The following CNTN5 variants were observed in gnomAD, a reference collection of about 807,000 sequenced individuals.
CNTN5 encodes the protein contactin-5.
CNTN5 carries 77 observed loss-of-function variants against 129.1 expected under a neutral mutation model. That is an observed-to-expected ratio of 0.60 (90% CI 0.50 to 0.72). CNTN5 has a LOEUF of 0.72. CNTN5 is among the 30% of genes least tolerant of loss of function. The probability of loss-of-function intolerance (pLI) is 0.00; values close to 1 mark genes in which losing one functional copy is unlikely to be tolerated. For missense variants in CNTN5, 1,478 were observed against 1,328.8 expected (o/e 1.11, Z -1.75); for synonymous variants, 509 against 465.6 (o/e 1.09, Z -1.20).
intron 6 of CNTN5, among the ~76,000 whole-genome samples, chr11:99,867,745 CA>C (rs1423196947): frequency 6.6e-6 from 1 of 152,134 alleles, no homozygotes; most frequent in African/African-American, 2.4e-5. Context: ...AGGTGATTAA[CA>C]GACTTAGTTA....
intron 1 of CNTN5, among the ~76,000 whole-genome samples, chr11:99,079,496 G>A (rs189854125): frequency 2.0e-5 from 3 of 152,194 alleles, no homozygotes; most frequent in Admixed American, 6.5e-5. Context: ...GAATCTATGG[G>A]GCCAAAAGTA....
chr11:100,131,716 A>G (rs1161364554), intron 13 of CNTN5, among the ~76,000 whole-genome samples: 1 of 152,076 alleles, frequency 6.6e-6, no homozygotes, highest in African/African-American at 2.4e-5. Context: ...AAAGGAAAAG[A>G]ACTTTTCAAG....
intron 6 of CNTN5, among the ~76,000 whole-genome samples, chr11:99,873,863 T>C (rs760264455): frequency 1.3e-5 from 2 of 152,098 alleles, no homozygotes; most frequent in Non-Finnish European, 2.9e-5. Context: ...CATATCAGCA[T>C]GGAACACAAT....
At chr11:99,368,360 G>C (rs1939590238) in intron 2 of CNTN5, among the ~76,000 whole-genome samples, 1 of 151,882 alleles carries the variant, frequency 6.6e-6, no homozygotes, top group South Asian at 2.1e-4. Flanking sequence ...ATTATTTGGA[G>C]TCCCGGTGTG....
chr11:99,782,951 T>C (rs937507014), intron 3 of CNTN5, among the ~76,000 whole-genome samples: 7 of 151,428 alleles, frequency 4.6e-5, no homozygotes, highest in South Asian at 2.1e-4. Flanking sequence ...CCAAAAGCAA[T>C]GGCAACAAAA....
chr11:99,959,636 T>C (rs1272282998), intron 8 of CNTN5, among the ~76,000 whole-genome samples: 1 of 152,232 alleles, frequency 6.6e-6, no homozygotes, highest in African/African-American at 2.4e-5. Flanking sequence ...CTGTAGCAGT[T>C]GACGTTGTTG....
At chr11:99,209,328 G>A (rs982076483) in intron 1 of CNTN5, among the ~76,000 whole-genome samples, 2 of 152,108 alleles carry the variant, frequency 1.3e-5, no homozygotes, top group Non-Finnish European at 2.9e-5. Context: ...TGTACAGGAA[G>A]CTTGTTGCCA....
chr11:99,281,621 ATGTCATCAT>A (rs1024611369), intron 1 of CNTN5, among the ~76,000 whole-genome samples: 11 of 151,884 alleles, frequency 7.2e-5, no homozygotes, highest in Non-Finnish European at 1.5e-4. Flanking sequence ...TATAACTTCT[ATGTCATCAT>A]TAGCTTTATT....
At chr11:99,269,714 A>G (rs1184491317) in intron 1 of CNTN5, among the ~76,000 whole-genome samples, 1 of 151,872 alleles carries the variant, frequency 6.6e-6, no homozygotes, top group Non-Finnish European at 1.5e-5. Flanking sequence ...GTACTATAAG[A>G]TAATTGAAAA....
chr11:99,632,821 T>C (rs1229509954), intron 3 of CNTN5, among the ~76,000 whole-genome samples: 1 of 152,142 alleles, frequency 6.6e-6, no homozygotes, highest in African/African-American at 2.4e-5. Context: ...GGGTAAATTA[T>C]TCAGTTTCCA....
chr11:99,493,165 T>C (rs1488806570), intron 2 of CNTN5, among the ~76,000 whole-genome samples: 3 of 152,262 alleles, frequency 2.0e-5, no homozygotes, highest in South Asian at 4.1e-4. Flanking sequence ...TTTTAACTTA[T>C]ATAGTTGATG....
At position 99,672,162 on chromosome 11, in the gene CNTN5, A is replaced by G. The variant is rs181128392; in HGVS notation, c.55+115893A>G. Among the ~76,000 whole-genome samples the G allele has an allele frequency of 7.0e-4, 107 of 152,096 alleles. 1 individual carries two copies. The highest frequency in any genetic ancestry group is 2.6e-3 in the African/African-American group (106 of 41,502). ...AATTGTAATTTCACCCTCTTCGAAA[A>G]CCCTACTCTGCCCCATCAAAACTGC... On this transcript the variant is annotated intron_variant, in intron 3 of 24. Transcript: ENST00000524871.
At chr11:99,757,939 G>T (rs760013927) in intron 3 of CNTN5, among the ~76,000 whole-genome samples, 44 of 152,146 alleles carry the variant, frequency 2.9e-4, no homozygotes, top group Non-Finnish European at 3.1e-4. Flanking sequence ...ATTATTTTAT[G>T]ATTATTATAC....
At chr11:100,067,213 A>G (rs1943732063) in intron 10 of CNTN5, among the ~76,000 whole-genome samples, 1 of 152,060 alleles carries the variant, frequency 6.6e-6, no homozygotes, top group Non-Finnish European at 1.5e-5. Context: ...ATTAATGTTT[A>G]TTCAATTATG....
chr11:99,601,383 G>A (rs2135705481), intron 3 of CNTN5, among the ~76,000 whole-genome samples: 1 of 151,970 alleles, frequency 6.6e-6, no homozygotes, highest in Non-Finnish European at 1.5e-5. Flanking sequence ...CTTTCTACCT[G>A]CTAGTCCTAG....
chr11:99,862,646 A>C (rs1267164727), intron 6 of CNTN5, among the ~76,000 whole-genome samples: 1 of 152,074 alleles, frequency 6.6e-6, no homozygotes, highest in Admixed American at 6.6e-5. Context: ...ATTAATTATT[A>C]ATTATATCTA....
chr11:99,747,733 A>G (rs1944101641), intron 3 of CNTN5, among the ~76,000 whole-genome samples: 2 of 152,000 alleles, frequency 1.3e-5, no homozygotes, highest in South Asian at 4.1e-4. Context: ...CGGCCTCCCA[A>G]AGTGCTGGGA....
intron 6 of CNTN5, 74 bp downstream of exon 6, chr11:99,845,336 T>C (rs1297134376): frequency 1.5e-6 from 1 of 663,136 alleles, no homozygotes; most frequent in Non-Finnish European, 2.3e-6. Context: ...TAAAATTTAG[T>C]TCAGGAAAGA....
intron 3 of CNTN5, among the ~76,000 whole-genome samples, chr11:99,661,742 G>A (rs190585579): frequency 6.6e-6 from 1 of 151,920 alleles, no homozygotes; most frequent in Non-Finnish European, 1.5e-5. Flanking sequence ...ATGTATCAAA[G>A]ATTATTAAAA....
Sources: gnomAD v4.1 joint callset for allele counts (sites outside exome capture counted in the v4.1 genomes callset) on GRCh38, gnomAD v4.1.1 for gene constraint, MANE v1.5 for transcripts, NCBI Gene and HGNC (gene_info 2026-07-23, HGNC 2026-07-21) for gene names.